Variants in RNF220 observed in about 807,000 individuals in gnomAD.
RNF220 encodes the protein E3 ubiquitin-protein ligase RNF220.
RNF220 carries 7 observed loss-of-function variants against 67.1 expected under a neutral mutation model. The ratio of observed to expected loss-of-function variants is 0.10; its 90% confidence interval spans 0.06 to 0.20. The LOEUF (loss-of-function observed/expected upper bound fraction) is 0.20. Ranked by LOEUF, RNF220 falls within the 10% of genes least tolerant of loss-of-function variation. The pLI is 1.00. For missense variants in RNF220, 565 were observed against 740.3 expected (o/e 0.76, Z 2.75); for synonymous variants, 270 against 283.2 (o/e 0.95, Z 0.47).
rs1190010317 is a variant in RNF220, at chr1:44,412,512, G to A, written c.415G>A (p.Ala139Thr). The A allele has an allele frequency of 6.2e-7, 1 of 1,613,800 alleles. No homozygotes were observed. Among genetic ancestry groups the A allele is most frequent in the African/African-American group, 1.3e-5 (1 of 75,000 alleles). The stretch of plus-strand genomic sequence containing the variant: ...GAGCTATCAGTCAGCCTTTACGCCG[G>A]CCAAGCGACTTAAGAACTGCCATGA... ...RESYQSAFTPAKRLKNCHDTE... is the reference protein window; with the variant it reads ...RESYQSAFTPTKRLKNCHDTE... The change falls in exon 2 of 15, where the codon GCC (alanine) becomes ACC (threonine). Residue 139 changes from alanine to threonine, a missense_variant. Transcript: ENST00000361799. The surrounding 1 kb of genome is among the most constrained non-coding windows in gnomAD (Gnocchi z 5.3).
intron 2 of RNF220, among the ~76,000 whole-genome samples, chr1:44,587,010 C>A (rs1665746801): frequency 6.6e-6 from 1 of 152,096 alleles, no homozygotes; most frequent in African/African-American, 2.4e-5. Flanking sequence ...ACCGGAGACA[C>A]CTCAACTGCC....
intron 8 of RNF220, chr1:44,643,590 A>T (rs1644548396): frequency 6.6e-6 from 1 of 152,240 alleles, no homozygotes; most frequent in African/African-American, 2.4e-5. Context: ...CCTACAAGAC[A>T]TACCCTAATG....
chr1:44,503,919 G>T (rs572372288), intron 2 of RNF220, among the ~76,000 whole-genome samples: 7 of 152,032 alleles, frequency 4.6e-5, no homozygotes, highest in African/African-American at 1.4e-4. Flanking sequence ...GCACAGTCTC[G>T]GCTCACTACA....
intron 1 of RNF220, among the ~76,000 whole-genome samples, 193 bp downstream of exon 1, chr1:44,405,723 G>A (rs1647266263): frequency 6.6e-6 from 1 of 151,994 alleles, no homozygotes; most frequent in Non-Finnish European, 1.5e-5. Context: ...GGAGCCTCTC[G>A]GCATCGGCGC....
intron 2 of RNF220, among the ~76,000 whole-genome samples, chr1:44,471,392 C>G (rs1051471338): frequency 6.6e-6 from 1 of 152,156 alleles, no homozygotes; most frequent in African/African-American, 2.4e-5. Context: ...TGCCACTGCA[C>G]TCCCAGCCTG....
intron 2 of RNF220, among the ~76,000 whole-genome samples, chr1:44,414,345 T>C (rs940379502): frequency 3.3e-5 from 5 of 152,210 alleles, no homozygotes; most frequent in African/African-American, 9.6e-5. Flanking sequence ...CCCCTTTTTT[T>C]CTCCAAATAC....
chr1:44,637,917 C>T (rs749407394), intron 8 of RNF220, among the ~76,000 whole-genome samples: 28 of 152,194 alleles, frequency 1.8e-4, no homozygotes, highest in Non-Finnish European at 1.3e-4. Context: ...AAGCTGCTGC[C>T]GCCTCTTAAA....
At chr1:44,536,573 T>C in intron 2 of RNF220, among the ~76,000 whole-genome samples, 1 of 152,198 alleles carries the variant, frequency 6.6e-6, no homozygotes, top group East Asian at 1.9e-4. Flanking sequence ...CCTTGTCGCT[T>C]TCCTCTGGGG....
At chr1:44,510,754 G>A (rs572701864) in intron 2 of RNF220, among the ~76,000 whole-genome samples, 170 of 152,322 alleles carry the variant, frequency 1.1e-3, no homozygotes, top group African/African-American at 3.9e-3. Context: ...CGCACTGTGA[G>A]CACAGGTGTC....
chr1:44,635,153 A>G (rs914616682), intron 6 of RNF220: 2 of 173,492 alleles, frequency 1.2e-5, no homozygotes, highest in Non-Finnish European at 2.4e-5. Flanking sequence ...GGTTCTAGTC[A>G]AGAGATGCTC....
intron 2 of RNF220, among the ~76,000 whole-genome samples, chr1:44,521,902 G>A (rs1233917357): frequency 6.6e-6 from 1 of 150,710 alleles, no homozygotes; most frequent in Non-Finnish European, 1.5e-5. Flanking sequence ...ATGAATGAAT[G>A]AAGTGGGTAT....
At chr1:44,618,174 G>C (rs543225651) in intron 3 of RNF220, among the ~76,000 whole-genome samples, 2 of 152,316 alleles carry the variant, frequency 1.3e-5, no homozygotes, top group Non-Finnish European at 2.9e-5. Context: ...CTAGGAGCAG[G>C]CTGCTATTTC....
At chr1:44,644,932 T>G in intron 9 of RNF220, 63 bp from the exon 10 acceptor site, 1 of 1,591,050 alleles carries the variant, frequency 6.3e-7, no homozygotes. Context: ...CATGCTCTCC[T>G]GAGGATTCAA....
At chr1:44,423,706 G>A (rs938993631) in intron 2 of RNF220, 1 of 295,810 alleles carries the variant, frequency 3.4e-6, no homozygotes, top group African/African-American at 2.3e-5. Flanking sequence ...GCCCTACCCG[G>A]AAACGTGACA....
chr1:44,608,847 G>C (rs188701033), intron 2 of RNF220, among the ~76,000 whole-genome samples: 181 of 152,340 alleles, frequency 1.2e-3, no homozygotes, highest in Admixed American at 2.9e-3. Flanking sequence ...AAGAAGGCCA[G>C]ATATAGGCAA....
chr1:44,492,816 A>G (rs1656969287), intron 2 of RNF220, among the ~76,000 whole-genome samples: 1 of 152,166 alleles, frequency 6.6e-6, no homozygotes, highest in African/African-American at 2.4e-5. Flanking sequence ...GGGTGATGAA[A>G]ATGCTCTAAA....
At chr1:44,521,188 C>A (rs1015754315) in intron 2 of RNF220, among the ~76,000 whole-genome samples, 1 of 152,188 alleles carries the variant, frequency 6.6e-6, no homozygotes, top group Admixed American at 6.5e-5. Flanking sequence ...TGAGCCACCA[C>A]CTAAGGTGAA....
intron 2 of RNF220, among the ~76,000 whole-genome samples, chr1:44,434,066 A>G (rs990812521): frequency 1.2e-4 from 18 of 152,224 alleles, no homozygotes; most frequent in Non-Finnish European, 1.0e-4. Flanking sequence ...TTACATGATT[A>G]GTTATTTGTC....
chr1:44,558,685 A>G (rs1262411616), intron 2 of RNF220, among the ~76,000 whole-genome samples: 1 of 152,220 alleles, frequency 6.6e-6, no homozygotes. Flanking sequence ...ACGCAGCTAG[A>G]AAGTTTACGG....
Sources: allele counts gnomAD v4.1 joint callset (sites outside exome capture counted in the v4.1 genomes callset), GRCh38; gene constraint gnomAD v4.1.1; non-coding constraint Gnocchi (gnomAD v3.1); transcripts MANE v1.5; gene names NCBI Gene and HGNC (gene_info 2026-07-23, HGNC 2026-07-21).